The following PIP5K1C variants were observed in gnomAD, a reference collection of about 807,000 sequenced individuals.
PIP5K1C encodes the protein phosphatidylinositol 4-phosphate 5-kinase type-1 gamma.
A neutral mutation model predicts 80.1 loss-of-function variants in PIP5K1C; 45 were observed. That is an observed-to-expected ratio of 0.56 (90% CI 0.44 to 0.72). The LOEUF (loss-of-function observed/expected upper bound fraction) is 0.72, where lower values mean the gene tolerates loss of function less well. Ranked by LOEUF, PIP5K1C falls within the 30% of genes least tolerant of loss-of-function variation. The pLI is 0.00. For synonymous variants in PIP5K1C, 498 were observed against 420.1 expected (o/e 1.19, Z -2.27); for missense variants, 753 against 954.6 (o/e 0.79, Z 2.78).
At chr19:3,698,048 G>A (rs982314221) in intron 1 of PIP5K1C, among the ~76,000 whole-genome samples, 2 of 152,256 alleles carry the variant, frequency 1.3e-5, no homozygotes, top group Non-Finnish European at 2.9e-5. Context: ...GCAGTGCCGT[G>A]GGAAACGGGC....
chr19:3,646,084 C>CG, intron 10 of PIP5K1C, 26 bp from the exon 11 acceptor site: 1 of 1,481,406 alleles, frequency 6.8e-7, no homozygotes, highest in Non-Finnish European at 9.4e-7. Context: ...GGGGGGTGCC[C>CG]GGGGGCAGAG....
rs2035049486 is a variant in PIP5K1C at position 3,667,437 on chromosome 19, C to T, written c.95-84G>A. 7.3e-6 allele frequency: 11 copies of T among 1,500,308 alleles called. 1 individual carries two copies. The highest frequency in any genetic ancestry group is 3.4e-5 in the South Asian group (3 of 88,730). 92.9% of individuals were successfully genotyped at this position (1,500,308 alleles called of 1,614,324 possible). A position where few individuals can be genotyped will look rare whatever the true frequency, so the allele number is the denominator to read the frequency against. On this transcript the variant is annotated intron_variant, in intron 1 of 17. Transcript: ENST00000335312. ...GCCCAGCCCCCGGCCCACCTTCTGG[C>T]GCCCCAGGCCTGGCGTGTGTAACTC... is the stretch of plus-strand genomic sequence containing the variant.
intron 13 of PIP5K1C, 130 bp downstream of exon 13, chr19:3,643,113 T>C (rs1310522132): frequency 2.0e-6 from 3 of 1,491,826 alleles, no homozygotes; most frequent in Non-Finnish European, 2.8e-6. Context: ...ACATGCAGTG[T>C]ATGTACATCC....
Position 3,637,915 on chromosome 19 carries a change from G to A in PIP5K1C, c.1920+969C>T. The A allele has an allele frequency of 6.5e-7, 1 of 1,535,350 alleles. No homozygotes were observed. The highest frequency in any genetic ancestry group is 2.0e-5 in the Admixed American group (1 of 50,986). On this transcript the variant is annotated intron_variant, in intron 16 of 17. Coordinates refer to ENST00000335312, the MANE Select transcript of PIP5K1C (RefSeq NM_012398.3). This position sits in a 1 kb window ranked among gnomAD's most constrained non-coding sequence, Gnocchi z 7.0. ...GCACAAACCAGTCCCAGGAAAAGGG[G>A]TGACGACGTGCGGTGGGTAGGGGCA...
intron 16 of PIP5K1C, among the ~76,000 whole-genome samples, chr19:3,634,630 C>G (rs984169441): frequency 1.3e-5 from 2 of 152,250 alleles, no homozygotes; most frequent in African/African-American, 4.8e-5. Flanking sequence ...GCTGCCCAGG[C>G]CAACCCATGC....
chr19:3,694,836 C>A, intron 1 of PIP5K1C, among the ~76,000 whole-genome samples: 1 of 152,242 alleles, frequency 6.6e-6, no homozygotes, highest in East Asian at 1.9e-4. Flanking sequence ...CTTGACCTCC[C>A]AGGTGCCCTC....
intron 10 of PIP5K1C, 152 bp from the exon 11 acceptor site, chr19:3,646,210 G>T (rs1255761442): frequency 3.1e-6 from 2 of 646,858 alleles, no homozygotes; most frequent in East Asian, 5.4e-5. Flanking sequence ...TCCTGGGAGG[G>T]GCTCACGGAA....
At chr19:3,652,120 A>G in intron 7 of PIP5K1C, 89 bp from the exon 8 acceptor site, 1 of 1,283,962 alleles carries the variant, frequency 7.8e-7, no homozygotes, top group Non-Finnish European at 1.1e-6. Flanking sequence ...CCCAGCACGG[A>G]TGGCCCCGTG....
chr19:3,645,879 G>C (rs1336338013), intron 11 of PIP5K1C, 95 bp downstream of exon 11: 1 of 923,012 alleles, frequency 1.1e-6, no homozygotes, highest in Non-Finnish European at 1.8e-6. Flanking sequence ...GCCCTGCCCA[G>C]GGGGCTCTCG....
Position 3,633,523 on chromosome 19 carries a change from GGCAGGTGGGCGCGCGT to G in PIP5K1C, c.1921-19_1921-4del. 2 of 1,492,088 alleles carry G rather than the reference GGCAGGTGGGCGCGCGT, an allele frequency of 1.3e-6. No individual in the cohort carries two copies. The highest frequency in any genetic ancestry group is 1.8e-6 in the Non-Finnish European group (2 of 1,116,064). The allele number at this position is 1,492,088 out of a possible 1,614,324, so 92.4% of individuals were successfully genotyped here. A position where few individuals can be genotyped will look rare whatever the true frequency, so the allele number is the denominator to read the frequency against. ...ACCCAGCTCCTCTCATCGGTGGGCT[GGCAGGTGGGCGCGCGT>G]GCAGGAGGGCGCGGAAGAGCAGGGT... On this transcript the variant is annotated splice_polypyrimidine_tract_variant and splice_region_variant and intron_variant, in intron 16 of 17. Coordinates refer to ENST00000335312, the MANE Select transcript of PIP5K1C (RefSeq NM_012398.3).
intron 1 of PIP5K1C, among the ~76,000 whole-genome samples, chr19:3,673,418 GCT>G (rs1039123640): frequency 1.4e-4 from 21 of 152,200 alleles, no homozygotes; most frequent in African/African-American, 3.9e-4. Context: ...TCCCAGGCCT[GCT>G]CTGTCACCTG....
intron 6 of PIP5K1C, among the ~76,000 whole-genome samples, chr19:3,654,255 T>A (rs1008077267): frequency 6.6e-6 from 1 of 152,246 alleles, no homozygotes; most frequent in Non-Finnish European, 1.5e-5. Context: ...TGGGTCCTGC[T>A]GTACCCTGTA....
At chr19:3,646,644 A>G (rs2270083) in intron 10 of PIP5K1C, among the ~76,000 whole-genome samples, 19,345 of 152,232 alleles carry the variant, frequency 0.13, 1,716 homozygotes, top group East Asian at 0.28. Context: ...CCTGGGCAGC[A>G]GGTTCCGGGC....
At chr19:3,686,740 TAAAATA>T (rs1568357682) in intron 1 of PIP5K1C, among the ~76,000 whole-genome samples, 17 of 149,310 alleles carry the variant, frequency 1.1e-4, no homozygotes, top group African/African-American at 3.5e-4. Flanking sequence ...ATAAATAAAA[TAAAATA>T]AAATAAAATA....
chr19:3,686,015 A>G (rs1171721467), intron 1 of PIP5K1C, among the ~76,000 whole-genome samples: 1 of 150,762 alleles, frequency 6.6e-6, no homozygotes, highest in East Asian at 2.0e-4. Flanking sequence ...GCGCCACCAC[A>G]CCTGGCTAAT....
At chr19:3,671,495 C>T (rs1465750677) in intron 1 of PIP5K1C, among the ~76,000 whole-genome samples, 2 of 152,216 alleles carry the variant, frequency 1.3e-5, no homozygotes, top group African/African-American at 2.4e-5. Context: ...AGGAGAGGGG[C>T]AGGCGGCTCG....
chr19:3,682,923 A>G (rs965117916), intron 1 of PIP5K1C, among the ~76,000 whole-genome samples: 8 of 151,392 alleles, frequency 5.3e-5, no homozygotes, highest in Admixed American at 6.6e-5. Context: ...GCCCAGATGG[A>G]GAACACCTCC....
chr19:3,677,242 A>G (rs1035628425), intron 1 of PIP5K1C, among the ~76,000 whole-genome samples: 5 of 152,204 alleles, frequency 3.3e-5, no homozygotes, highest in South Asian at 2.1e-4. Context: ...GGCTGGAGCA[A>G]TAAGACTAGA....
intron 3 of PIP5K1C, among the ~76,000 whole-genome samples, chr19:3,662,383 A>G (rs1012060947): frequency 1.3e-5 from 2 of 152,190 alleles, no homozygotes; most frequent in African/African-American, 4.8e-5. Flanking sequence ...TTACAGCGAG[A>G]TGCCCAGATC....
Sources: allele counts gnomAD v4.1 joint callset (sites outside exome capture counted in the v4.1 genomes callset), GRCh38; gene constraint gnomAD v4.1.1; non-coding constraint Gnocchi (gnomAD v3.1); transcripts MANE v1.5; gene names NCBI Gene and HGNC (gene_info 2026-07-23, HGNC 2026-07-21).